The following ARB2A variants were observed in gnomAD, a reference collection of about 807,000 sequenced individuals.
ARB2A encodes cotranscriptional regulator ARB2A.
the ARB2A span, among the ~76,000 whole-genome samples, chr5:93,822,438 G>A: frequency 6.6e-6 from 1 of 152,090 alleles, no homozygotes; most frequent in East Asian, 1.9e-4. Flanking sequence ...GTGTGTAAAG[G>A]TTTTCGTAAA....
chr5:93,827,625 C>T, the ARB2A span, among the ~76,000 whole-genome samples: 2,829 of 151,898 alleles, frequency 0.019, 42 homozygotes, highest in Non-Finnish European at 0.029. Context: ...TCAATTTTGG[C>T]TTTTGTTGCC....
the ARB2A span, among the ~76,000 whole-genome samples, chr5:93,804,597 C>T: frequency 6.6e-6 from 1 of 151,740 alleles, no homozygotes; most frequent in Non-Finnish European, 1.5e-5. Context: ...TTTTAATTAA[C>T]ATTAAGAACT....
chr5:93,782,145 ATCACTGAATAGGGGTAATTTCAAAGC>A, the ARB2A span, among the ~76,000 whole-genome samples: 1 of 152,168 alleles, frequency 6.6e-6, no homozygotes, highest in Admixed American at 6.5e-5. Context: ...TTTGGAGAAG[ATCACTGAATAGGGGTAATTTCAAAGC>A]TCCATCAGGC....
chr5:93,964,390 T>C, the ARB2A span: 1 of 1,205,196 alleles, frequency 8.3e-7, no homozygotes, highest in African/African-American at 1.5e-5. Flanking sequence ...TTCTTCTGAA[T>C]TAAAAACTAT....
the ARB2A span, among the ~76,000 whole-genome samples, chr5:93,984,779 A>C: frequency 6.6e-6 from 1 of 152,224 alleles, no homozygotes; most frequent in African/African-American, 2.4e-5. Context: ...ATACAGGTGC[A>C]CAATACATGA....
chr5:93,660,504 G>A, the ARB2A span, among the ~76,000 whole-genome samples: 1 of 152,100 alleles, frequency 6.6e-6, no homozygotes, highest in Non-Finnish European at 1.5e-5. Context: ...AAAGAAGTGA[G>A]TAGAAATGCT....
the ARB2A span, among the ~76,000 whole-genome samples, chr5:93,762,544 G>C: frequency 2.0e-5 from 3 of 152,310 alleles, no homozygotes; most frequent in East Asian, 5.8e-4. Flanking sequence ...AGAAATATGG[G>C]ACTATGTGAA....
At chr5:93,845,494 T>C in the ARB2A span, among the ~76,000 whole-genome samples, 1 of 151,498 alleles carries the variant, frequency 6.6e-6, no homozygotes. Flanking sequence ...CAGAGAGTAA[T>C]CTGTCACAGA....
chr5:94,086,153 TATGGAGGCC>T, the ARB2A span, among the ~76,000 whole-genome samples: 3 of 152,202 alleles, frequency 2.0e-5, no homozygotes, highest in Admixed American at 6.5e-5. Flanking sequence ...GCATTACAGA[TATGGAGGCC>T]ACTTTTATAT....
the ARB2A span, among the ~76,000 whole-genome samples, chr5:94,002,697 TTTC>T: frequency 8.6e-5 from 11 of 127,298 alleles, no homozygotes; most frequent in South Asian, 2.4e-4. Context: ...TAGAAGTCTC[TTTC>T]TTTTTTTTTA....
chr5:94,087,145 A>C, the ARB2A span, among the ~76,000 whole-genome samples: 5 of 152,170 alleles, frequency 3.3e-5, no homozygotes, highest in Non-Finnish European at 7.3e-5. Flanking sequence ...TTTAAAAATA[A>C]ACTTTGAAAA....
chr5:94,050,765 C>T, the ARB2A span: 1 of 1,612,606 alleles, frequency 6.2e-7, no homozygotes, highest in Non-Finnish European at 8.5e-7. Context: ...CTGGTTCCAT[C>T]TGTGTAAATC....
the ARB2A span, among the ~76,000 whole-genome samples, chr5:94,033,499 A>G: frequency 6.6e-6 from 1 of 152,150 alleles, no homozygotes; most frequent in Admixed American, 6.5e-5. Context: ...ATCTCAGCTC[A>G]CAGCAACCTC....
chr5:93,743,887 C>T, the ARB2A span, among the ~76,000 whole-genome samples: 2 of 152,048 alleles, frequency 1.3e-5, no homozygotes, highest in African/African-American at 2.4e-5. Flanking sequence ...AGGATGGTCT[C>T]GATCTCCTGA....
At chr5:93,663,767 C>T in the ARB2A span, among the ~76,000 whole-genome samples, 7 of 152,008 alleles carry the variant, frequency 4.6e-5, no homozygotes, top group Admixed American at 4.6e-4. Context: ...TAGTTAATTA[C>T]AATTACAAGT....
the ARB2A span, among the ~76,000 whole-genome samples, chr5:93,885,156 C>T: frequency 6.6e-6 from 1 of 151,376 alleles, no homozygotes; most frequent in Non-Finnish European, 1.5e-5. Flanking sequence ...CTTTCCATTC[C>T]CAGTAACTCA....
At chr5:93,797,449 G>A in the ARB2A span, among the ~76,000 whole-genome samples, 1 of 152,060 alleles carries the variant, frequency 6.6e-6, no homozygotes, top group Non-Finnish European at 1.5e-5. Context: ...ACAGTACAGA[G>A]TGTTTAATAA....
At chr5:94,086,030 A>T in the ARB2A span, among the ~76,000 whole-genome samples, 1 of 152,232 alleles carries the variant, frequency 6.6e-6, no homozygotes, top group South Asian at 2.1e-4. Context: ...AACAGAAGGC[A>T]TGAGATGGGA....
At chr5:94,094,956 A>C in the ARB2A span, among the ~76,000 whole-genome samples, 1 of 152,202 alleles carries the variant, frequency 6.6e-6, no homozygotes, top group Non-Finnish European at 1.5e-5. Context: ...CCAAACATGG[A>C]ACTGCCATTG....
Sources: allele counts gnomAD v4.1 joint callset (sites outside exome capture counted in the v4.1 genomes callset), GRCh38; gene constraint gnomAD v4.1.1; transcripts MANE v1.5; gene names NCBI Gene and HGNC (gene_info 2026-07-23, HGNC 2026-07-21).